GABRG3: variants seen among roughly 807,000 people sequenced by gnomAD.
GABRG3 encodes gamma-aminobutyric acid receptor subunit gamma-3.
In GABRG3, 25 loss-of-function variants were observed where a neutral mutation model predicts 48.8. The observed-to-expected ratio is 0.51, with a 90% CI of 0.37 to 0.72. The LOEUF (loss-of-function observed/expected upper bound fraction) is 0.72, where lower values mean the gene tolerates loss of function less well. Ranked by LOEUF, GABRG3 falls within the 30% of genes least tolerant of loss-of-function variation. The probability of loss-of-function intolerance (pLI) is 0.00; values close to 1 mark genes in which losing one functional copy is unlikely to be tolerated. For synonymous variants in GABRG3, 227 were observed against 217.6 expected (o/e 1.04, Z -0.38); for missense variants, 394 against 577.9 (o/e 0.68, Z 3.26).
chr15:27,348,795 A>G (rs150507118), intron 5 of GABRG3, among the ~76,000 whole-genome samples: 2,537 of 152,340 alleles, frequency 0.017, 68 homozygotes, highest in African/African-American at 0.058. Context: ...ACACACAAGA[A>G]TAGTGGCAGG....
At chr15:27,453,626 G>A (rs1889175550) in intron 5 of GABRG3, among the ~76,000 whole-genome samples, 1 of 152,154 alleles carries the variant, frequency 6.6e-6, no homozygotes, top group African/African-American at 2.4e-5. Context: ...TGTTTAGACA[G>A]AGTTTCACTC....
At chr15:27,446,170 T>C (rs897020599) in intron 5 of GABRG3, among the ~76,000 whole-genome samples, 1 of 152,226 alleles carries the variant, frequency 6.6e-6, no homozygotes, top group African/African-American at 2.4e-5. Flanking sequence ...CTTGTCCATG[T>C]CTACACAAGA....
chr15:27,444,530 A>G (rs909632142), intron 5 of GABRG3, among the ~76,000 whole-genome samples: 1 of 152,120 alleles, frequency 6.6e-6, no homozygotes, highest in African/African-American at 2.4e-5. Context: ...TGTTTTAAAT[A>G]TGTTTCTTGA....
chr15:27,478,721 C>T (rs780410570), intron 5 of GABRG3, among the ~76,000 whole-genome samples: 3 of 151,938 alleles, frequency 2.0e-5, no homozygotes, highest in African/African-American at 4.8e-5. Context: ...CATTCATAAT[C>T]GTGAAAAAAT....
At chr15:27,117,506 C>A (rs928908099) in intron 3 of GABRG3, among the ~76,000 whole-genome samples, 6 of 152,118 alleles carry the variant, frequency 3.9e-5, no homozygotes, top group Non-Finnish European at 2.9e-5. Context: ...CAAAGGGACT[C>A]CCATGAGGAG....
intron 3 of GABRG3, among the ~76,000 whole-genome samples, chr15:27,264,816 T>C (rs1321074167): frequency 5.3e-5 from 8 of 152,040 alleles, no homozygotes; most frequent in Non-Finnish European, 4.4e-5. Context: ...TTTTATATCG[T>C]CTCTCCCTCT....
At chr15:26,999,615 T>C (rs1895407292) in intron 2 of GABRG3, among the ~76,000 whole-genome samples, 1 of 152,140 alleles carries the variant, frequency 6.6e-6, no homozygotes, top group South Asian at 2.1e-4. Context: ...TGAAAAATAC[T>C]TAGGGATCTT....
At chr15:27,173,699 C>T (rs973023866) in intron 3 of GABRG3, among the ~76,000 whole-genome samples, 1 of 140,916 alleles carries the variant, frequency 7.1e-6, no homozygotes, top group Non-Finnish European at 1.5e-5. Flanking sequence ...AAGATACTAT[C>T]GCTGCCAAAA....
At chr15:27,133,354 A>G (rs1412196613) in intron 3 of GABRG3, among the ~76,000 whole-genome samples, 2 of 152,180 alleles carry the variant, frequency 1.3e-5, no homozygotes, top group South Asian at 2.1e-4. Context: ...CCACTTCCAC[A>G]TGCCTTTTCT....
At chr15:27,247,449 A>C (rs1158931041) in intron 3 of GABRG3, among the ~76,000 whole-genome samples, 3 of 152,060 alleles carry the variant, frequency 2.0e-5, no homozygotes, top group Non-Finnish European at 4.4e-5. Context: ...CTGCAGCCAC[A>C]CTGTCCTCTG....
chr15:27,460,559 G>A (rs2150835323), intron 5 of GABRG3, among the ~76,000 whole-genome samples: 1 of 152,244 alleles, frequency 6.6e-6, no homozygotes, highest in East Asian at 1.9e-4. Flanking sequence ...AAAACTGCAA[G>A]TCAGTACATA....
At chr15:27,216,750 TTTTA>T (rs57072496) in intron 3 of GABRG3, among the ~76,000 whole-genome samples, 156 of 125,870 alleles carry the variant, frequency 1.2e-3, no homozygotes, top group Admixed American at 2.9e-3. Flanking sequence ...TTTTTTTATT[TTTTA>T]TTTATTTATT....
At chr15:27,201,287 A>C (rs1281550462) in intron 3 of GABRG3, among the ~76,000 whole-genome samples, 5 of 151,402 alleles carry the variant, frequency 3.3e-5, no homozygotes. Context: ...AGCAGAGGTG[A>C]ACACAGGGAG....
Position 27,132,471 on chromosome 15 carries a change from G to GGTTTTT in GABRG3, c.270+105650_270+105651insGTTTTT, listed in dbSNP as rs778222775. Among the ~76,000 whole-genome samples, 212 of 39,590 alleles carry GGTTTTT rather than the reference G, an allele frequency of 5.4e-3. 62 individuals are homozygous for GGTTTTT. The highest frequency in any genetic ancestry group is 0.036 in the Middle Eastern group (2 of 56). 26.0% of individuals were successfully genotyped at this position (39,590 alleles called of 152,430 possible). A position where few individuals can be genotyped will look rare whatever the true frequency, so the allele number is the denominator to read the frequency against. ...TGATTCAATCTTCCCAGTAGTTACA[G>GGTTTTT]TTTTTTTTTTTTTTTTTTTTTTTTT... On this transcript the variant is annotated intron_variant, in intron 3 of 9. Coordinates refer to ENST00000615808, the MANE Select transcript of GABRG3 (RefSeq NM_033223.5).
rs12324679 is a variant in GABRG3 at position 26,972,640 on chromosome 15, C to T, written c.53+1052C>T. Reference sequence around the variant, plus strand: ...GAATCAGAGGGCATCCTTGCGTGCACAAGCCTGGCCACCATCAGGAGGCAA... The same window carrying T: ...GAATCAGAGGGCATCCTTGCGTGCATAAGCCTGGCCACCATCAGGAGGCAA... On this transcript the variant is annotated intron_variant, in intron 1 of 9. Coordinates refer to ENST00000615808, the MANE Select transcript of GABRG3 (RefSeq NM_033223.5). Among the ~76,000 whole-genome samples, 641 of 152,284 alleles carry T rather than the reference C, an allele frequency of 4.2e-3. 5 individuals are homozygous for T. Among genetic ancestry groups the T allele is most frequent in the African/African-American group, 0.015 (616 of 41,562 alleles).
chr15:27,146,301 C>CA (rs1348724254), intron 3 of GABRG3, among the ~76,000 whole-genome samples: 1 of 152,004 alleles, frequency 6.6e-6, no homozygotes, highest in African/African-American at 2.4e-5. Flanking sequence ...AAAATAAATA[C>CA]AAAAAGTTAG....
chr15:27,451,734 C>G (rs1595762931), intron 5 of GABRG3, among the ~76,000 whole-genome samples: 1 of 152,102 alleles, frequency 6.6e-6, no homozygotes, highest in Non-Finnish European at 1.5e-5. Context: ...AAACAATCAA[C>G]AAAGTCAAAG....
intron 3 of GABRG3, among the ~76,000 whole-genome samples, chr15:27,094,938 A>G (rs1398872629): frequency 6.6e-6 from 1 of 152,174 alleles, no homozygotes; most frequent in Non-Finnish European, 1.5e-5. Context: ...AGCATTTTCT[A>G]GCCTGTTTTA....
intron 3 of GABRG3, among the ~76,000 whole-genome samples, chr15:27,040,982 CG>C (rs1235544924): frequency 6.6e-6 from 1 of 152,084 alleles, no homozygotes; most frequent in African/African-American, 2.4e-5. Context: ...TGTGCTCGTG[CG>C]GGGAGAAACC....
Sources: allele counts gnomAD v4.1 joint callset (sites outside exome capture counted in the v4.1 genomes callset), GRCh38; gene constraint gnomAD v4.1.1; transcripts MANE v1.5; gene names NCBI Gene and HGNC (gene_info 2026-07-23, HGNC 2026-07-21).